Variants in GGNBP2 observed in about 807,000 individuals in gnomAD.
GGNBP2 encodes gametogenetin binding protein 2.
GGNBP2 carries 10 observed loss-of-function variants against 85.9 expected under a neutral mutation model. The ratio of observed to expected loss-of-function variants is 0.12; its 90% confidence interval spans 0.07 to 0.20. The LOEUF (loss-of-function observed/expected upper bound fraction) is 0.20. Ranked by LOEUF, GGNBP2 falls within the 10% of genes least tolerant of loss-of-function variation. The probability of loss-of-function intolerance (pLI) is 1.00; values close to 1 mark genes in which losing one functional copy is unlikely to be tolerated. For missense variants in GGNBP2, 595 were observed against 857.8 expected (o/e 0.69, Z 3.83); for synonymous variants, 287 against 285.7 (o/e 1.00, Z -0.05).
At chr17:36,545,874 TCCCCCTCCC>T in intron 2 of GGNBP2, 57 bp downstream of exon 2, 1 of 1,221,140 alleles carries the variant, frequency 8.2e-7, no homozygotes. Flanking sequence ...TTTCCCCTCC[TCCCCCTCCC>T]CCAGGCCGAG....
At chr17:36,565,491 T>C (rs1321682327) in intron 5 of GGNBP2, among the ~76,000 whole-genome samples, 1 of 152,160 alleles carries the variant, frequency 6.6e-6, no homozygotes. Flanking sequence ...TCTAATGATA[T>C]AATAATCATT....
intron 13 of GGNBP2, among the ~76,000 whole-genome samples, chr17:36,588,475 C>T (rs930552939): frequency 9.2e-5 from 14 of 152,270 alleles, no homozygotes; most frequent in African/African-American, 2.9e-4. Flanking sequence ...AGGCTGGTCT[C>T]GAACTCCCAA....
intron 7 of GGNBP2, 30 bp from the exon 8 acceptor site, chr17:36,579,215 G>A (rs530846202): frequency 2.9e-5 from 46 of 1,592,712 alleles, no homozygotes; most frequent in African/African-American, 5.4e-5. Context: ...TCAGTTAAAG[G>A]TATTAGTGTG....
At chr17:36,586,366 C>A in intron 12 of GGNBP2, 168 bp downstream of exon 12, 1 of 722,088 alleles carries the variant, frequency 1.4e-6, no homozygotes, top group Non-Finnish European at 2.2e-6. Flanking sequence ...GGGTTGGGGG[C>A]AGAGAGAGAT....
At position 36,562,618 on chromosome 17, in the gene GGNBP2, A is replaced by G. The variant is rs543286692; in HGVS notation, c.527+1747A>G. ...AAGACTTGGATGACCAGGCAGTGGT[A>G]TGTTAATAATCTATTAAGTTTTTTT... is the stretch of plus-strand genomic sequence containing the variant. On this transcript the variant is annotated intron_variant, in intron 5 of 13. Transcript: ENST00000613102. 3.3e-5 allele frequency among the ~76,000 whole-genome samples: 5 copies of G among 150,756 alleles called. No homozygotes were observed. In the South Asian group the frequency reaches 8.3e-4, roughly 25 times the overall value.
chr17:36,585,665 A>G (rs2074693800), intron 10 of GGNBP2, 175 bp from the exon 11 acceptor site: 1 of 634,608 alleles, frequency 1.6e-6, no homozygotes, highest in Non-Finnish European at 2.6e-6. Context: ...ATTCCTAATC[A>G]TATTTTCATT....
At chr17:36,575,648 A>T (rs1420623333) in intron 6 of GGNBP2, among the ~76,000 whole-genome samples, 23,090 of 55,750 alleles carry the variant, frequency 0.41, 6,110 homozygotes, top group Middle Eastern at 0.46. Flanking sequence ...ATATATATAT[A>T]TTTTTTTTTT....
intron 4 of GGNBP2, 110 bp downstream of exon 4, chr17:36,557,446 A>C (rs1480874949): frequency 1.5e-5 from 14 of 941,488 alleles, no homozygotes; most frequent in Non-Finnish European, 2.2e-5. Flanking sequence ...TAATAATTTT[A>C]TTGAGTAAGT....
intron 1 of GGNBP2, 89 bp from the exon 2 acceptor site, chr17:36,545,530 C>A: frequency 3.8e-6 from 2 of 521,962 alleles, no homozygotes; most frequent in Non-Finnish European, 6.8e-6. Flanking sequence ...CCCGGCTCTC[C>A]CGTACCCTCC....
chr17:36,555,625 G>A (rs907974111), intron 3 of GGNBP2, among the ~76,000 whole-genome samples: 2 of 152,212 alleles, frequency 1.3e-5, no homozygotes, highest in East Asian at 1.9e-4. Context: ...GAGCCCAGGA[G>A]GCAGAGGTTG....
intron 2 of GGNBP2, among the ~76,000 whole-genome samples, chr17:36,549,956 G>A (rs1366800467): frequency 1.4e-5 from 2 of 146,796 alleles, no homozygotes; most frequent in South Asian, 2.1e-4. Flanking sequence ...TTTTTTTTTC[G>A]AGATGGAGTC....
Position 36,558,068 on chromosome 17 carries a change from C to T in GGNBP2, c.428+732C>T, listed in dbSNP as rs563689803. ...CAGAGGTTGCAGTGAGCCGAGATCA[C>T]GCCACTGCAGTCCAGCCAGGGCGAC... On this transcript the variant is annotated intron_variant, in intron 4 of 13. Coordinates refer to ENST00000613102, the MANE Select transcript of GGNBP2 (RefSeq NM_024835.5). Among the ~76,000 whole-genome samples, 11 of 151,580 alleles carry T rather than the reference C, an allele frequency of 7.3e-5. No homozygotes were observed. In the East Asian group the frequency reaches 7.8e-4, roughly 11 times the overall value.
At chr17:36,554,352 ATTTTTTTTTTTTTTT>A (rs780217291) in intron 2 of GGNBP2, among the ~76,000 whole-genome samples, 4 of 44,506 alleles carry the variant, frequency 9.0e-5, no homozygotes, top group East Asian at 9.9e-4. Context: ...ATGTACTTGA[ATTTTTTTTTTTTTTT>A]TTTTTTTTTT....
chr17:36,585,909 C>T lies in GGNBP2; in HGVS notation c.1436C>T (p.Ser479Phe). ...AGCATGGAAGGGAGTGAAACAGGTT[C>T]TCGGGAGGGTTCGGATGTTGCCTGC... ...SSSMEGSETG[S>F]REGSDVACTE... is the part of the protein sequence containing the mutation. The change falls in exon 11 of 14, where the codon TCT (serine) becomes TTT (phenylalanine). Residue 479 changes from serine to phenylalanine, a missense_variant. Transcript: ENST00000613102. The T allele has an allele frequency of 6.2e-7, 1 of 1,613,988 alleles. No individual in the cohort carries two copies. The highest frequency in any genetic ancestry group is 1.1e-5 in the South Asian group (1 of 91,076).
chr17:36,545,796 C>T lies in GGNBP2; in HGVS notation c.72C>T (p.Leu24=). Reference sequence around the variant, plus strand: ...CCTTCGAGAGGAGGCAGATTCCCCTCTACATAGACGACACCCTGACGGTGA... The same window carrying T: ...CCTTCGAGAGGAGGCAGATTCCCCTTTACATAGACGACACCCTGACGGTGA... ...EFPFERRQIP[L]YIDDTLTMVM... Residue 24 remains leucine (L), a synonymous_variant, in exon 2 of 14, where the codon CTC becomes CTT. Coordinates refer to ENST00000613102, the MANE Select transcript of GGNBP2 (RefSeq NM_024835.5). 1.9e-6 allele frequency: 3 copies of T among 1,570,762 alleles called. No homozygotes were observed. The highest frequency in any genetic ancestry group is 2.3e-5 in the South Asian group (2 of 85,596).
chr17:36,550,131 C>A (rs192176877), intron 2 of GGNBP2, among the ~76,000 whole-genome samples: 1 of 151,652 alleles, frequency 6.6e-6, no homozygotes. Context: ...AGAGACGAGG[C>A]GTCACCATTT....
Position 36,579,423 on chromosome 17 carries a change from A to C in GGNBP2, c.1020+4A>C, listed in dbSNP as rs1447543008. 6.2e-7 allele frequency: 1 copy of C among 1,613,574 alleles called. No individual in the cohort carries two copies. Among genetic ancestry groups the C allele is most frequent in the Non-Finnish European group, 8.5e-7 (1 of 1,179,606 alleles). On this transcript the variant is annotated splice_donor_region_variant and intron_variant, in intron 8 of 13. Transcript: ENST00000613102. ...TGCTTTACGCAAGAGTTTTGAGGTA[A>C]GAACAGTGGGCTGTTCCAGTATCTC...
chr17:36,586,665 C>T (rs2074704818), intron 12 of GGNBP2: 4 of 295,494 alleles, frequency 1.4e-5, no homozygotes, highest in Admixed American at 9.6e-5. Context: ...GTCGCCTATA[C>T]TAGAGTACAG....
chr17:36,589,621 T>C lies in GGNBP2; in HGVS notation c.*210T>C. The C allele has an allele frequency of 1.7e-6, 1 of 571,796 alleles. No homozygotes were observed. 35.4% of individuals were successfully genotyped at this position (571,796 alleles called of 1,614,324 possible). ...TGCGTGGCTGCGCAGGCCTGCCATA[T>C]GATTTAAGCCATCTCTTTTCATTAA... On this transcript the variant is annotated 3_prime_UTR_variant, in exon 14 of 14. Transcript: ENST00000613102.
Sources: allele counts gnomAD v4.1 joint callset (sites outside exome capture counted in the v4.1 genomes callset), GRCh38; gene constraint gnomAD v4.1.1; transcripts MANE v1.5; gene names NCBI Gene and HGNC (gene_info 2026-07-23, HGNC 2026-07-21).